The following MTAP variants were observed in gnomAD, a reference collection of about 807,000 sequenced individuals.
The protein encoded by MTAP is S-methyl-5'-thioadenosine phosphorylase.
A neutral mutation model predicts 33.6 loss-of-function variants in MTAP; 33 were observed. The ratio of observed to expected loss-of-function variants is 0.98; its 90% CI spans 0.74 to 1.31. The LOEUF is 1.31. MTAP is among the 40% of genes most tolerant of loss of function. The pLI, the probability that MTAP is intolerant of heterozygous loss-of-function variation, is 0.00. For synonymous variants in MTAP, 148 were observed against 125.7 expected (o/e 1.18, Z -1.19); for missense variants, 367 against 360.0 (o/e 1.02, Z -0.16).
chr9:21,824,591 A>G (rs1044311240), intron 4 of MTAP, among the ~76,000 whole-genome samples: 4 of 152,148 alleles, frequency 2.6e-5, no homozygotes, highest in African/African-American at 7.2e-5. Flanking sequence ...TCAGATCTCA[A>G]ACTCTGTGCT....
In MTAP at chr9:21,898,779, T is replaced by C. The variant is rs147641193; in HGVS notation, c.148-32229T>C. ...GAGAAATAGGAACACTTTTACACTGTTGGTGGGACTGTAAACTAGTTCAAC... is the reference window on the plus strand; with the variant it reads ...GAGAAATAGGAACACTTTTACACTGCTGGTGGGACTGTAAACTAGTTCAAC... On this transcript the variant is annotated intron_variant, in intron 1 of 1. Coordinates refer to the MTAP transcript ENST00000577563. Among the ~76,000 whole-genome samples the C allele has an allele frequency of 2.9e-3, 440 of 152,306 alleles. 1 individual carries two copies. The highest frequency in any genetic ancestry group is 8.4e-3 in the African/African-American group (349 of 41,550).
intron 3 of MTAP, among the ~76,000 whole-genome samples, chr9:21,817,149 G>A (rs1824496267): frequency 6.6e-6 from 1 of 152,210 alleles, no homozygotes; most frequent in Non-Finnish European, 1.5e-5. Context: ...TAGGCTTAGG[G>A]CTTCTGAAGT....
rs191004462 is a variant in MTAP at position 21,803,949 on chromosome 9, T to C, written c.33+1168T>C. Among the ~76,000 whole-genome samples, 28 of 152,328 alleles carry C rather than the reference T, an allele frequency of 1.8e-4. No individual in the cohort carries two copies. The East Asian group carries it at 4.8e-3, about 26-fold the overall frequency. ...GTGAAGGGTGTTGCATCCAGACTTA[T>C]ATATGAAACTTATTTTGTCATTTTG... On this transcript the variant is annotated intron_variant, in intron 1 of 7. Coordinates refer to ENST00000644715, the MANE Select transcript of MTAP (RefSeq NM_002451.4).
At chr9:21,870,629 TTATAA>T (rs1825921599), downstream of MTAP, among the ~76,000 whole-genome samples, 2 of 151,932 alleles carry the variant, frequency 1.3e-5, no homozygotes, top group African/African-American at 2.4e-5. Flanking sequence ...TTGAAATTAT[TTATAA>T]TATATTTTAA....
intron 7 of MTAP, chr9:21,860,400 G>A (rs1486184229): frequency 6.6e-6 from 1 of 152,238 alleles, no homozygotes; most frequent in South Asian, 2.1e-4. Context: ...GCACACCACT[G>A]TAACTAAGGT....
chr9:21,845,229 G>A (rs192838428), intron 5 of MTAP, among the ~76,000 whole-genome samples: 1 of 152,214 alleles, frequency 6.6e-6, no homozygotes, highest in East Asian at 1.9e-4. Flanking sequence ...TCAGTAAAGA[G>A]GAAGTCAAAC....
intron 1 of MTAP, among the ~76,000 whole-genome samples, chr9:21,809,819 C>T (rs1455725688): frequency 1.3e-5 from 2 of 152,158 alleles, no homozygotes; most frequent in Non-Finnish European, 2.9e-5. Flanking sequence ...TCCTAGTATC[C>T]AGCAGCTGGT....
chr9:21,861,910 T>A, intron 7 of MTAP, 66 bp from the exon 8 acceptor site: 1 of 960,696 alleles, frequency 1.0e-6, no homozygotes, highest in South Asian at 1.4e-5. Flanking sequence ...TCTGTTTTTT[T>A]TTTTAACAAA....
At chr9:21,896,201 C>T (rs897862513) in intron 1 of MTAP, among the ~76,000 whole-genome samples, 1 of 152,108 alleles carries the variant, frequency 6.6e-6, no homozygotes, top group Non-Finnish European at 1.5e-5. Context: ...TAAAGATGTC[C>T]TTTGAAACCA....
chr9:21,846,678 C>T (rs1377545329), intron 5 of MTAP, among the ~76,000 whole-genome samples: 2 of 152,116 alleles, frequency 1.3e-5, no homozygotes, highest in Non-Finnish European at 2.9e-5. Context: ...ATAGAGATTC[C>T]TTACAGAACT....
chr9:21,863,802 G>A lies in MTAP; in HGVS notation c.*1788G>A. On this transcript the variant is annotated 3_prime_UTR_variant, in exon 8 of 8. Coordinates refer to ENST00000644715, the MANE Select transcript of MTAP (RefSeq NM_002451.4). ...TCAATGTGTTTGTTTGTGTCTCTGA[G>A]ATTGACTTCAAGATAATAAGCTGCT... 1.0e-6 allele frequency: 1 copy of A among 985,786 alleles called. No homozygotes were observed. The allele number at this position is 985,786 out of a possible 1,614,324, so 61.1% of individuals were successfully genotyped here.
At chr9:21,810,918 G>A (rs1468852817) in intron 1 of MTAP, among the ~76,000 whole-genome samples, 1 of 152,172 alleles carries the variant, frequency 6.6e-6, no homozygotes, top group Non-Finnish European at 1.5e-5. Flanking sequence ...TGAGACAGTT[G>A]GTTGCTCCCT....
chr9:21,907,775 C>A (rs1818498949), intron 1 of MTAP, among the ~76,000 whole-genome samples: 1 of 151,630 alleles, frequency 6.6e-6, no homozygotes, highest in Non-Finnish European at 1.5e-5. Context: ...CTCTTACCAC[C>A]CAGAGAAAAT....
intron 1 of MTAP, among the ~76,000 whole-genome samples, chr9:21,905,380 C>T (rs10811634): frequency 0.21 from 31,116 of 151,506 alleles, 3,325 homozygotes; most frequent in East Asian, 0.34. Flanking sequence ...ATTTCCCTGC[C>T]CCCCTCCCTG....
chr9:21,931,317 A>T (rs556958109), downstream of MTAP: 1 of 574,956 alleles, frequency 1.7e-6, no homozygotes, highest in Non-Finnish European at 3.1e-6. Flanking sequence ...TTTGCGGGGG[A>T]AAATGTTAGA....
chr9:21,814,014 C>A (rs1009430581), intron 1 of MTAP: 2 of 152,146 alleles, frequency 1.3e-5, no homozygotes, highest in African/African-American at 4.8e-5. Context: ...AGTATGTTAA[C>A]CTGCTGTGGT....
At chr9:21,827,811 C>T (rs1824861014) in intron 4 of MTAP, among the ~76,000 whole-genome samples, 1 of 152,142 alleles carries the variant, frequency 6.6e-6, no homozygotes, top group Admixed American at 6.5e-5. Flanking sequence ...ATCTCAATGG[C>T]TGTCAACGTC....
rs886063793 is a variant in MTAP, at chr9:21,865,220, C to T, written c.*3206C>T. 39 of 535,072 alleles carry T rather than the reference C, an allele frequency of 7.3e-5. No individual in the cohort carries two copies. The highest frequency in any genetic ancestry group is 1.6e-4 in the South Asian group (2 of 12,358). The allele number at this position is 535,072 out of a possible 1,614,324, so 33.1% of individuals were successfully genotyped here. ...TGCTGTTCTCATGATACTGAGTTCT[C>T]ACAAGTCCTGTTTGTTTTATAAGGG... On this transcript the variant is annotated 3_prime_UTR_variant, in exon 8 of 8. Coordinates refer to ENST00000644715, the MANE Select transcript of MTAP (RefSeq NM_002451.4).
chr9:21,929,635 T>C, intron 1 of MTAP: 1 of 300,428 alleles, frequency 3.3e-6, no homozygotes, highest in Admixed American at 3.0e-5. Flanking sequence ...TTATCCAGCC[T>C]GTACCAGAGA....
Sources: gnomAD v4.1 joint callset for allele counts (sites outside exome capture counted in the v4.1 genomes callset) on GRCh38, gnomAD v4.1.1 for gene constraint, MANE v1.5 for transcripts, NCBI Gene and HGNC (gene_info 2026-07-23, HGNC 2026-07-21) for gene names.